Variants in POLR2L observed in about 807,000 individuals in gnomAD.
The protein encoded by POLR2L is RNA polymerase II, I and III subunit L, also known as DNA-directed RNA polymerases I, II, and III subunit RPABC5.
POLR2L carries 7 observed loss-of-function variants against 6.8 expected under a neutral mutation model. That is an observed-to-expected ratio of 1.03 (90% CI 0.59 to 1.94). The LOEUF (loss-of-function observed/expected upper bound fraction) is 1.94. POLR2L is among the 30% of genes most tolerant of loss of function. The pLI is 0.00. For missense variants in POLR2L, 93 were observed against 86.7 expected (o/e 1.07, Z -0.29); for synonymous variants, 59 against 39.8 (o/e 1.48, Z -1.82).
At chr11:842,170 C>T (rs906807465) in intron 1 of POLR2L, among the ~76,000 whole-genome samples, 1 of 152,212 alleles carries the variant, frequency 6.6e-6, no homozygotes, top group African/African-American at 2.4e-5. Flanking sequence ...ACCTAGAATC[C>T]CCAGGACACC....
chr11:841,391 G>A (rs935393354), intron 1 of POLR2L, among the ~76,000 whole-genome samples: 2 of 152,186 alleles, frequency 1.3e-5, no homozygotes, highest in Non-Finnish European at 2.9e-5. Context: ...CCCCTACAAA[G>A]CCTGATGAGG....
chr11:840,507 AACTGAGTTCTCT>A, intron 1 of POLR2L, 27 bp from the exon 2 acceptor site: 1 of 1,491,734 alleles, frequency 6.7e-7, no homozygotes, highest in South Asian at 1.1e-5. Context: ...AGCAGAGGCC[AACTGAGTTCTCT>A]ACGGTCTGCA....
chr11:842,319 TC>T, intron 1 of POLR2L, 94 bp downstream of exon 1: 3 of 847,718 alleles, frequency 3.5e-6, no homozygotes, highest in South Asian at 5.1e-5. Context: ...GCGCTGCGCC[TC>T]CCGCCCCGGC....
chr11:841,238 G>C (rs1308037964), intron 1 of POLR2L, among the ~76,000 whole-genome samples: 2 of 152,216 alleles, frequency 1.3e-5, no homozygotes. Context: ...ACCAAGTGCC[G>C]ATGGCAGGCT....
rs769963238 is a variant in POLR2L, at chr11:840,408, G to T, written c.168C>A (p.Ile56=). The change falls in exon 2 of 2, where the codon ATC becomes ATA. Residue 56 remains isoleucine, a synonymous_variant. Transcript: ENST00000322028. The part of the protein sequence containing the change: ...RRMLLAHVDL[I]EKLLNYAPLE... The stretch of plus-strand genomic sequence containing the variant: ...GGGGTGCATAATTGAGCAGCTTCTC[G>T]ATCAGGTCCACGTGGGCCAGCAGCA... 6 of 1,611,412 alleles carry T rather than the reference G, an allele frequency of 3.7e-6. No individual in the cohort carries two copies. The Admixed American group carries it at 1.0e-4, about 27-fold the overall frequency.
At chr11:842,175 G>A (rs1002524140) in intron 1 of POLR2L, among the ~76,000 whole-genome samples, 1 of 152,222 alleles carries the variant, frequency 6.6e-6, no homozygotes, top group African/African-American at 2.4e-5. Flanking sequence ...GAATCCCCAG[G>A]ACACCACTGG....
At chr11:841,156 A>G (rs181772910) in intron 1 of POLR2L, among the ~76,000 whole-genome samples, 1 of 152,354 alleles carries the variant, frequency 6.6e-6, no homozygotes, top group Admixed American at 6.5e-5. Context: ...TATCCGGGGA[A>G]AGGGTCTGGA....
At chr11:841,589 C>A (rs1292177276) in intron 1 of POLR2L, among the ~76,000 whole-genome samples, 1 of 152,148 alleles carries the variant, frequency 6.6e-6, no homozygotes, top group Non-Finnish European at 1.5e-5. Flanking sequence ...AGGTGTGCAC[C>A]GCCATGTCCG....
At position 840,439 on chromosome 11, in the gene POLR2L, C is replaced by T. The variant is rs778329133; in HGVS notation, c.137G>A (p.Arg46His). The T allele has an allele frequency of 1.5e-5, 24 of 1,611,996 alleles. No homozygotes were observed. Among genetic ancestry groups the T allele is most frequent in the Middle Eastern group, 1.6e-4 (1 of 6,082 alleles). The change falls in exon 2 of 2, where the codon CGC (arginine) becomes CAC (histidine). Residue 46 changes from arginine (R) to histidine (H), a missense_variant. By Grantham distance (29) the Arg-to-His change is conservative (BLOSUM62 0). Coordinates refer to ENST00000322028, the MANE Select transcript of POLR2L (RefSeq NM_021128.5). ...DALGLKRYCCRRMLLAHVDLI... is the reference protein window; with the variant it reads ...DALGLKRYCCHRMLLAHVDLI... ...GTCCACGTGGGCCAGCAGCATCCGGCGGCAGCAGTAGCGCTTCAGGCCCAG... is the reference window on the plus strand; with the variant it reads ...GTCCACGTGGGCCAGCAGCATCCGGTGGCAGCAGTAGCGCTTCAGGCCCAG...
chr11:842,259 G>A (rs541964878), intron 1 of POLR2L, among the ~76,000 whole-genome samples, 155 bp downstream of exon 1: 1 of 152,344 alleles, frequency 6.6e-6, no homozygotes, highest in East Asian at 1.9e-4. Flanking sequence ...CACAGAGCGG[G>A]GCTGGAGAAG....
intron 1 of POLR2L, 152 bp from the exon 2 acceptor site, chr11:840,632 C>A (rs1232880209): frequency 4.8e-5 from 30 of 619,510 alleles, no homozygotes; most frequent in Admixed American, 1.1e-4. Flanking sequence ...AAGCTGAGAT[C>A]TAGCAGTATG....
In POLR2L at chr11:840,071, A is replaced by G. The variant is rs910552434; in HGVS notation, c.*301T>C. 13 of 291,894 alleles carry G rather than the reference A, an allele frequency of 4.5e-5. No homozygotes were observed. The highest frequency in any genetic ancestry group is 2.6e-4 in the African/African-American group (12 of 45,830). 18.1% of individuals were successfully genotyped at this position (291,894 alleles called of 1,614,324 possible). A position where few individuals can be genotyped will look rare whatever the true frequency, so the allele number is the denominator to read the frequency against. On this transcript the variant is annotated 3_prime_UTR_variant, in exon 2 of 2. Transcript: ENST00000322028. ...AGGCTCTCCTGGCAGCGCCTCCTGC[A>G]GGGGTGCCTGTGGAACAGGCTGGCC...
At chr11:840,744 G>A (rs1846944241) in intron 1 of POLR2L, among the ~76,000 whole-genome samples, 3 of 152,212 alleles carry the variant, frequency 2.0e-5, no homozygotes, top group Admixed American at 6.5e-5. Context: ...TATAACGTAT[G>A]TAAGAAATGT....
chr11:841,515 C>T (rs1360077769), intron 1 of POLR2L, among the ~76,000 whole-genome samples: 1 of 152,132 alleles, frequency 6.6e-6, no homozygotes, highest in Non-Finnish European at 1.5e-5. Context: ...CTCACTGCAA[C>T]CTCCACCTGC....
chr11:840,578 A>ACC (rs34627090), intron 1 of POLR2L, 98 bp from the exon 2 acceptor site: 89 of 697,950 alleles, frequency 1.3e-4, no homozygotes, highest in South Asian at 2.9e-4. Context: ...TGCTGGCCTC[A>ACC]CCCCCCCCGC....
In POLR2L at chr11:840,186, T is replaced by C. The variant is rs545071187; in HGVS notation, c.*186A>G. 7.3e-6 allele frequency: 4 copies of C among 546,588 alleles called. No homozygotes were observed. The highest frequency in any genetic ancestry group is 1.3e-5 in the Non-Finnish European group (4 of 308,870). 33.9% of individuals were successfully genotyped at this position (546,588 alleles called of 1,614,324 possible). A position where few individuals can be genotyped will look rare whatever the true frequency, so the allele number is the denominator to read the frequency against. On this transcript the variant is annotated 3_prime_UTR_variant, in exon 2 of 2. Transcript: ENST00000322028. ...CTAGACCTGGCTCCTGACATCCTAG[T>C]GAGGGCTGGGACCTTAGTGGTTCTG...
rs541569101 is a variant in POLR2L, at chr11:840,303, C to A, written c.*69G>T. On this transcript the variant is annotated 3_prime_UTR_variant, in exon 2 of 2. Transcript: ENST00000322028. ...TTACGCCAGCTCCCGGATGCCTCAG[C>A]CTCGTGAATTCGGGGCAGGACGCTC... 3.0e-6 allele frequency: 3 copies of A among 986,478 alleles called. No individual in the cohort carries two copies. Among genetic ancestry groups the A allele is most frequent in the Non-Finnish European group, 4.7e-6 (3 of 638,174 alleles). The allele number at this position is 986,478 out of a possible 1,614,324, so 61.1% of individuals were successfully genotyped here.
At position 840,330 on chromosome 11, in the gene POLR2L, G is replaced by A. The variant is rs1230500790; in HGVS notation, c.*42C>T. 2.3e-6 allele frequency: 3 copies of A among 1,313,862 alleles called. No homozygotes were observed. The highest frequency in any genetic ancestry group is 1.4e-5 in the African/African-American group (1 of 69,018). 81.4% of individuals were successfully genotyped at this position (1,313,862 alleles called of 1,614,324 possible). A position where few individuals can be genotyped will look rare whatever the true frequency, so the allele number is the denominator to read the frequency against. On this transcript the variant is annotated 3_prime_UTR_variant, in exon 2 of 2. Coordinates refer to ENST00000322028, the MANE Select transcript of POLR2L (RefSeq NM_021128.5). Reference sequence around the variant, plus strand: ...TCGTGAATTCGGGGCAGGACGCTCAGGGCCCATGGTCAGCACAGCGGGTGG... The same window carrying A: ...TCGTGAATTCGGGGCAGGACGCTCAAGGCCCATGGTCAGCACAGCGGGTGG...
intron 1 of POLR2L, 51 bp from the exon 2 acceptor site, chr11:840,531 A>G (rs1846936115): frequency 1.5e-6 from 2 of 1,322,072 alleles, no homozygotes; most frequent in Non-Finnish European, 2.2e-6. Flanking sequence ...CGGTCTGCAA[A>G]GGCCTGGAGC....
Sources: gnomAD v4.1 joint callset for allele counts (sites outside exome capture counted in the v4.1 genomes callset) on GRCh38, gnomAD v4.1.1 for gene constraint, MANE v1.5 for transcripts, NCBI Gene and HGNC (gene_info 2026-07-23, HGNC 2026-07-21) for gene names.